Variants in LRRC4C observed in about 807,000 individuals in gnomAD.
LRRC4C encodes leucine-rich repeat-containing protein 4C.
In LRRC4C, 5 loss-of-function variants were observed where a neutral mutation model predicts 33.6. The observed-to-expected ratio is 0.15, with a 90% CI of 0.08 to 0.31. LRRC4C has a LOEUF of 0.31. LRRC4C is among the 10% of genes least tolerant of loss of function. The pLI, the probability that LRRC4C is intolerant of heterozygous loss-of-function variation, is 1.00. For missense variants in LRRC4C, 560 were observed against 796.7 expected, an observed-to-expected ratio of 0.70 and a Z score of 3.58; for synonymous variants, 329 against 302.0, an observed-to-expected ratio of 1.09 and a Z score of -0.93.
intron 2 of LRRC4C, among the ~76,000 whole-genome samples, chr11:40,788,697 G>T (rs1591722562): frequency 6.6e-6 from 1 of 152,224 alleles, no homozygotes; most frequent in Non-Finnish European, 1.5e-5. Flanking sequence ...CATTTATGAA[G>T]TTATAATGCT....
intron 3 of LRRC4C, among the ~76,000 whole-genome samples, chr11:40,549,434 C>T (rs1957051751): frequency 6.6e-6 from 1 of 152,106 alleles, no homozygotes; most frequent in South Asian, 2.1e-4. Flanking sequence ...GCATTATATT[C>T]AGAAAGAAAG....
intron 2 of LRRC4C, among the ~76,000 whole-genome samples, chr11:40,780,723 G>A (rs1413494820): frequency 1.3e-5 from 2 of 151,442 alleles, no homozygotes; most frequent in African/African-American, 4.8e-5. Context: ...TTCTTATAAT[G>A]TATAATAGAG....
intron 3 of LRRC4C, among the ~76,000 whole-genome samples, chr11:40,447,312 C>T (rs532525962): frequency 1.3e-5 from 2 of 152,296 alleles, no homozygotes; most frequent in Admixed American, 1.3e-4. Flanking sequence ...AAATAGAGAA[C>T]TCTAGAAGCA....
rs182866462 is a variant in LRRC4C at position 40,275,574 on chromosome 11, C to T, written c.-175-33976G>A. Among the ~76,000 whole-genome samples, 457 of 152,180 alleles carry T rather than the reference C, an allele frequency of 3.0e-3. 2 individuals carry two copies. The highest frequency in any genetic ancestry group is 9.3e-3 in the African/African-American group (387 of 41,530). On this transcript the variant is annotated intron_variant, in intron 4 of 6. Transcript: ENST00000528697. ...CAGGAAACCTTGAGCTCTAAATTACCGCTCATCCAATACCAGCTCTCTAAA... is the reference window on the plus strand; with the variant it reads ...CAGGAAACCTTGAGCTCTAAATTACTGCTCATCCAATACCAGCTCTCTAAA...
chr11:40,693,975 G>A (rs1025614914), intron 2 of LRRC4C, among the ~76,000 whole-genome samples: 3 of 152,046 alleles, frequency 2.0e-5, no homozygotes, highest in South Asian at 2.1e-4. Flanking sequence ...TTTGCCCTGC[G>A]GGGTGTAAAC....
At chr11:41,275,223 G>A (rs1367732211) in intron 1 of LRRC4C, among the ~76,000 whole-genome samples, 4 of 152,070 alleles carry the variant, frequency 2.6e-5, no homozygotes, top group South Asian at 2.1e-4. Flanking sequence ...CCAGATAAAC[G>A]TCTTTTACTT....
chr11:40,177,508 C>T lies in LRRC4C; in HGVS notation c.-95-36655G>A, dbSNP rs574054674. ...CTTCCAGTCACACTGTACTCCTTGG[C>T]ATTCCATGAATGAACCAGGCATGCT... On this transcript the variant is annotated intron_variant, in intron 5 of 6. Coordinates refer to ENST00000528697, the MANE Select transcript of LRRC4C (RefSeq NM_001258419.2). 3.9e-5 allele frequency among the ~76,000 whole-genome samples: 6 copies of T among 152,196 alleles called. No homozygotes were observed. In the East Asian group the frequency reaches 1.2e-3, roughly 30 times the overall value.
intron 3 of LRRC4C, among the ~76,000 whole-genome samples, chr11:40,488,124 G>A (rs1448723541): frequency 1.3e-5 from 2 of 152,114 alleles, no homozygotes; most frequent in South Asian, 2.1e-4. Flanking sequence ...CATGACCAGG[G>A]AGCTGCAAGA....
At chr11:40,211,822 C>T (rs762836973) in intron 5 of LRRC4C, among the ~76,000 whole-genome samples, 3 of 152,064 alleles carry the variant, frequency 2.0e-5, no homozygotes, top group Non-Finnish European at 2.9e-5. Flanking sequence ...TTCTGCTTCC[C>T]GAAATGTTGA....
chr11:40,535,907 G>T (rs1286252062), intron 3 of LRRC4C, among the ~76,000 whole-genome samples: 1 of 152,118 alleles, frequency 6.6e-6, no homozygotes, highest in East Asian at 1.9e-4. Context: ...TTTCCAAAAG[G>T]CTTATTTTGC....
chr11:40,613,296 T>C (rs910212958), intron 3 of LRRC4C, among the ~76,000 whole-genome samples: 2 of 151,888 alleles, frequency 1.3e-5, no homozygotes, highest in Non-Finnish European at 1.5e-5. Flanking sequence ...GTCAACTAAG[T>C]TTACATAATA....
intron 1 of LRRC4C, among the ~76,000 whole-genome samples, chr11:41,373,765 A>C (rs1292370142): frequency 4.6e-5 from 7 of 152,168 alleles, no homozygotes; most frequent in Non-Finnish European, 1.0e-4. Context: ...TACAAGCAGC[A>C]TCAGCTATTT....
chr11:40,810,693 T>C (rs1233847052), intron 2 of LRRC4C, among the ~76,000 whole-genome samples: 2 of 152,156 alleles, frequency 1.3e-5, no homozygotes, highest in African/African-American at 4.8e-5. Flanking sequence ...CACCAAATAC[T>C]TAACGGTTAA....
At chr11:40,428,152 T>A (rs1046315012) in intron 3 of LRRC4C, among the ~76,000 whole-genome samples, 2 of 151,250 alleles carry the variant, frequency 1.3e-5, no homozygotes, top group African/African-American at 4.9e-5. Flanking sequence ...AATAAATTCT[T>A]TAAATTTTTT....
intron 2 of LRRC4C, among the ~76,000 whole-genome samples, chr11:40,689,503 G>A (rs973778468): frequency 5.3e-5 from 8 of 152,054 alleles, no homozygotes; most frequent in Non-Finnish European, 8.8e-5. Context: ...TAATGAACAA[G>A]TATTAATATT....
intron 1 of LRRC4C, among the ~76,000 whole-genome samples, chr11:41,188,299 T>G (rs1294441313): frequency 6.6e-6 from 1 of 152,216 alleles, no homozygotes; most frequent in Non-Finnish European, 1.5e-5. Flanking sequence ...TTCTTATTTT[T>G]TAGTTGCTTT....
intron 1 of LRRC4C, among the ~76,000 whole-genome samples, chr11:41,367,987 T>C (rs1385235379): frequency 2.6e-5 from 4 of 152,190 alleles, no homozygotes; most frequent in Non-Finnish European, 5.9e-5. Context: ...TGCCTTAGAT[T>C]GTAGCCAAAA....
intron 3 of LRRC4C, among the ~76,000 whole-genome samples, chr11:40,350,873 TG>T (rs148605480): frequency 0.024 from 3,640 of 152,118 alleles, 130 homozygotes; most frequent in African/African-American, 0.082. Context: ...GTTACTTGCT[TG>T]ATTTCATTTT....
chr11:40,631,851 C>T (rs1352494021), intron 3 of LRRC4C, among the ~76,000 whole-genome samples: 1 of 152,090 alleles, frequency 6.6e-6, no homozygotes, highest in African/African-American at 2.4e-5. Flanking sequence ...TTTAGAAGCT[C>T]TGTAATGGTC....
Sources: gnomAD v4.1 joint callset for allele counts (sites outside exome capture counted in the v4.1 genomes callset) on GRCh38, gnomAD v4.1.1 for gene constraint, MANE v1.5 for transcripts, NCBI Gene and HGNC (gene_info 2026-07-23, HGNC 2026-07-21) for gene names.